The following FRAS1 variants were observed in gnomAD, a reference collection of about 807,000 sequenced individuals.
The protein encoded by FRAS1 is Fraser extracellular matrix complex subunit 1.
FRAS1 carries 290 observed loss-of-function variants against 435.2 expected under a neutral mutation model. That is an observed-to-expected ratio of 0.67 (90% CI 0.61 to 0.73). The LOEUF is 0.73. Ranked by LOEUF, FRAS1 falls within the 30% of genes least tolerant of loss-of-function variation. The probability of loss-of-function intolerance (pLI) is 0.00; values close to 1 mark genes in which losing one functional copy is unlikely to be tolerated. For missense variants in FRAS1, 4,860 were observed against 5,001.5 expected (o/e 0.97, Z 0.85); for synonymous variants, 1,800 against 1,851.0 (o/e 0.97, Z 0.71).
chr4:78,281,753 T>C (rs940825981), intron 11 of FRAS1, among the ~76,000 whole-genome samples: 2 of 152,178 alleles, frequency 1.3e-5, no homozygotes, highest in African/African-American at 4.8e-5. Context: ...TAACCATCAG[T>C]AGAGTTTTAT....
At chr4:78,403,698 G>A (rs1236791469) in intron 30 of FRAS1, among the ~76,000 whole-genome samples, 1 of 152,168 alleles carries the variant, frequency 6.6e-6, no homozygotes, top group African/African-American at 2.4e-5. Flanking sequence ...ACCGTTTTCA[G>A]ATACAGATGT....
At chr4:78,247,846 T>C (rs1380307108) in intron 4 of FRAS1, among the ~76,000 whole-genome samples, 1 of 152,134 alleles carries the variant, frequency 6.6e-6, no homozygotes, top group African/African-American at 2.4e-5. Context: ...TTTGGAATGG[T>C]GATCTGAAGT....
chr4:78,396,101 CT>C (rs1297731188), intron 29 of FRAS1, among the ~76,000 whole-genome samples: 4 of 152,048 alleles, frequency 2.6e-5, no homozygotes, highest in African/African-American at 9.7e-5. Flanking sequence ...ACTAACTTAT[CT>C]CCAATTGCAT....
Position 78,522,840 on chromosome 4 carries a change from G to C in FRAS1, c.10808+32G>C, listed in dbSNP as rs1156883901. 2.6e-6 allele frequency: 4 copies of C among 1,530,738 alleles called. No individual in the cohort carries two copies. In the African/African-American group the frequency reaches 5.6e-5, roughly 22 times the overall value. The allele number at this position is 1,530,738 out of a possible 1,614,324, so 94.8% of individuals were successfully genotyped here. A position where few individuals can be genotyped will look rare whatever the true frequency, so the allele number is the denominator to read the frequency against. On this transcript the variant is annotated intron_variant, in intron 69 of 73. Transcript: ENST00000512123. ...ACAGTGATGGAGGCCTCCATGGGTA[G>C]AGCTGAATGGTTTTCCATTTCTTTC...
At chr4:78,156,311 G>A (rs577884254) in intron 2 of FRAS1, among the ~76,000 whole-genome samples, 1 of 151,650 alleles carries the variant, frequency 6.6e-6, no homozygotes, top group East Asian at 1.9e-4. Context: ...TCTTTTAATC[G>A]AAAGTCCTCA....
chr4:78,237,299 G>A (rs908501351), intron 2 of FRAS1, among the ~76,000 whole-genome samples: 2 of 152,092 alleles, frequency 1.3e-5, no homozygotes, highest in Non-Finnish European at 2.9e-5. Flanking sequence ...CCTTGTCTTT[G>A]GCTACGTGGA....
At chr4:78,370,234 C>T (rs528377950) in intron 23 of FRAS1, among the ~76,000 whole-genome samples, 2 of 152,164 alleles carry the variant, frequency 1.3e-5, no homozygotes, top group East Asian at 3.8e-4. Context: ...CCAGAGGTGG[C>T]AAATTGTAAA....
In FRAS1 at chr4:78,517,090, GT is replaced by G. The variant is rs1370650527; in HGVS notation, c.10389+1080del. Reference sequence around the variant, plus strand: ...TCAATGAGCTAAAAACTAGTTAGATGTTTGTTCTTCATTTCAAATCAGGTTT... The same window carrying G: ...TCAATGAGCTAAAAACTAGTTAGATGTTGTTCTTCATTTCAAATCAGGTTT... On this transcript the variant is annotated intron_variant, in intron 66 of 73. Transcript: ENST00000512123. 3.3e-5 allele frequency among the ~76,000 whole-genome samples: 5 copies of G among 152,338 alleles called. No homozygotes were observed. In the East Asian group the frequency reaches 9.6e-4, roughly 29 times the overall value.
chr4:78,389,352 T>C (rs1471351568), intron 29 of FRAS1, among the ~76,000 whole-genome samples: 2 of 152,250 alleles, frequency 1.3e-5, no homozygotes, highest in Non-Finnish European at 2.9e-5. Context: ...CACTTGTCAC[T>C]TTCTCATCAG....
At chr4:78,465,240 C>T (rs942503097) in intron 49 of FRAS1, among the ~76,000 whole-genome samples, 3 of 152,172 alleles carry the variant, frequency 2.0e-5, no homozygotes, top group African/African-American at 7.2e-5. Context: ...GTTCTAGGCT[C>T]TGCTGTAGAT....
intron 27 of FRAS1, 22 bp from the exon 28 acceptor site, chr4:78,384,036 TC>T (rs769755425): frequency 1.3e-6 from 2 of 1,542,632 alleles, no homozygotes; most frequent in Non-Finnish European, 1.8e-6. Context: ...ATTTTCTTAT[TC>T]CTTTCTTTGG....
Position 78,286,413 on chromosome 4 carries a change from C to T in FRAS1, c.1408C>T (p.Pro470Ser). 1 of 1,613,526 alleles carries T rather than the reference C, an allele frequency of 6.2e-7. No homozygotes were observed. Among genetic ancestry groups the T allele is most frequent in the Non-Finnish European group, 8.5e-7 (1 of 1,179,878 alleles). Residue 470 changes from proline to serine, a missense_variant, in exon 14 of 74, where the codon CCC (proline) becomes TCC (serine). By Grantham distance (74) the Pro-to-Ser change is moderately conservative (BLOSUM62 -1). Coordinates refer to ENST00000512123, the MANE Select transcript of FRAS1 (RefSeq NM_025074.7). ...QAGSLCLACQ[P>S]QCSTCTSGLE... is the part of the protein sequence containing the mutation. ...ACATTATCTGGAGTCAGCCTGCCAG[C>T]CCCAGTGCTCCACGTGTACCAGTGG...
intron 2 of FRAS1, among the ~76,000 whole-genome samples, chr4:78,201,107 T>A (rs903642604): frequency 6.6e-6 from 1 of 152,056 alleles, no homozygotes; most frequent in African/African-American, 2.4e-5. Flanking sequence ...GGGCACATAT[T>A]TCACTGTGGC....
chr4:78,112,976 G>A (rs1011125830), intron 2 of FRAS1, among the ~76,000 whole-genome samples: 10 of 151,570 alleles, frequency 6.6e-5, no homozygotes, highest in African/African-American at 9.7e-5. Flanking sequence ...ATCCCTCCCC[G>A]CTCCCTCCAC....
At chr4:78,099,687 G>C (rs1346414116) in intron 2 of FRAS1, among the ~76,000 whole-genome samples, 1 of 152,174 alleles carries the variant, frequency 6.6e-6, no homozygotes, top group Non-Finnish European at 1.5e-5. Flanking sequence ...ATAGTAAAGT[G>C]GGTATTCACA....
chr4:78,318,897 A>G lies in FRAS1; in HGVS notation c.2048A>G (p.Glu683Gly). 1 of 1,613,988 alleles carries G rather than the reference A, an allele frequency of 6.2e-7. No homozygotes were observed. The highest frequency in any genetic ancestry group is 8.5e-7 in the Non-Finnish European group (1 of 1,179,874). ...AAGCCAGAGGAAGGACTGCAAGTGG[A>G]GCAGCTGTCTGACGTGGGCATCCCC... is the stretch of plus-strand genomic sequence containing the variant. ...CKKPEEGLQV[E>G]QLSDVGIPSG... The change falls in exon 18 of 74, where the codon GAG (glutamate) becomes GGG (glycine). Residue 683 changes from glutamate to glycine, a missense_variant. Physicochemically the swap from Glu to Gly is moderately conservative, Grantham distance 98. Coordinates refer to ENST00000512123, the MANE Select transcript of FRAS1 (RefSeq NM_025074.7).
At chr4:78,151,823 C>T (rs1161661442) in intron 2 of FRAS1, among the ~76,000 whole-genome samples, 1 of 151,942 alleles carries the variant, frequency 6.6e-6, no homozygotes, top group African/African-American at 2.4e-5. Context: ...TTCCTTGGCT[C>T]CCTGGAGCTG....
intron 14 of FRAS1, among the ~76,000 whole-genome samples, chr4:78,297,892 A>C (rs17003113): frequency 9.2e-5 from 14 of 151,946 alleles, no homozygotes; most frequent in Non-Finnish European, 2.1e-4. Context: ...TAGAAATTAG[A>C]AATCAATTGC....
At chr4:78,374,384 A>G (rs1686383710) in intron 25 of FRAS1, 133 bp downstream of exon 25, 4 of 811,742 alleles carry the variant, frequency 4.9e-6, no homozygotes, top group Non-Finnish European at 7.4e-6. Flanking sequence ...AGCCTAAGTA[A>G]TTGATGGCTT....
Sources: gnomAD v4.1 joint callset for allele counts (sites outside exome capture counted in the v4.1 genomes callset) on GRCh38, gnomAD v4.1.1 for gene constraint, MANE v1.5 for transcripts, NCBI Gene and HGNC (gene_info 2026-07-23, HGNC 2026-07-21) for gene names.